Variants in TDG observed in about 807,000 individuals in gnomAD.
TDG encodes thymine DNA glycosylase.
Under a neutral mutation model 46.1 loss-of-function variants are expected in TDG, and 23 were observed. The ratio of observed to expected loss-of-function variants is 0.50; its 90% CI spans 0.36 to 0.71. The LOEUF (loss-of-function observed/expected upper bound fraction) is 0.71. Among genes scored for constraint, TDG ranks in the 30% least tolerant of loss-of-function variants. TDG has a pLI of 0.00. For missense variants in TDG, 304 were observed against 486.7 expected (o/e 0.62, Z 3.53); for synonymous variants, 115 against 161.3 (o/e 0.71, Z 2.18).
intron 4 of TDG, among the ~76,000 whole-genome samples, chr12:103,981,299 G>C (rs191419211): frequency 7.2e-6 from 1 of 138,708 alleles, no homozygotes; most frequent in Admixed American, 7.9e-5. Flanking sequence ...GCAATGGCGC[G>C]ATCTCGGCTC....
At chr12:103,968,825 G>A (rs984293790) in intron 1 of TDG, among the ~76,000 whole-genome samples, 3 of 152,210 alleles carry the variant, frequency 2.0e-5, no homozygotes, top group South Asian at 2.1e-4. Flanking sequence ...TGGTTACTGA[G>A]CATTTTTAAA....
chr12:103,983,380 C>T lies in TDG; in HGVS notation c.783C>T (p.Asp261=), dbSNP rs1356188764. The change falls in exon 7 of 10, where the codon GAC becomes GAT. Residue 261 remains aspartate (D), a synonymous_variant. Transcript: ENST00000392872. ...GGCTTCAGCCCCATAAGATTCCAGA[C>T]ACAGAAACTGTAAGTCCCTAAAATT... ...EFGLQPHKIP[D]TETLCYVMPS... 2.5e-6 allele frequency: 4 copies of T among 1,573,090 alleles called. No homozygotes were observed. In the African/African-American group the frequency reaches 4.1e-5, roughly 16 times the overall value.
At chr12:103,978,908 A>G (rs1360540829) in intron 2 of TDG, among the ~76,000 whole-genome samples, 1 of 152,058 alleles carries the variant, frequency 6.6e-6, no homozygotes, top group African/African-American at 2.4e-5. Context: ...TATGCAACCT[A>G]AAATGTCAAT....
rs1266630046 is a variant in TDG at position 103,966,021 on chromosome 12, A to C, written c.-17A>C. 9 of 1,596,036 alleles carry C rather than the reference A, an allele frequency of 5.6e-6. No individual in the cohort carries two copies. Among genetic ancestry groups the C allele is most frequent in the South Asian group, 1.1e-5 (1 of 88,850 alleles). ...GTGCCCGGCAGGTGGAGCCGCCCGC[A>C]TCAGCGGCCTCGGGGAATGGAAGCG... On this transcript the variant is annotated 5_prime_UTR_variant, in exon 1 of 10. Coordinates refer to ENST00000392872, the MANE Select transcript of TDG (RefSeq NM_003211.6).
intron 4 of TDG, 43 bp downstream of exon 4, chr12:103,981,005 A>G: frequency 1.3e-6 from 2 of 1,548,212 alleles, no homozygotes. Context: ...TAAATTAGGT[A>G]TCTTTGTTAA....
At position 103,987,990 on chromosome 12, in the gene TDG, G is replaced by A. The variant is rs1251175628; in HGVS notation, c.*900G>A. The A allele has an allele frequency of 2.6e-5, 4 of 152,672 alleles. No homozygotes were observed. The highest frequency in any genetic ancestry group is 5.9e-5 in the Non-Finnish European group (4 of 68,034). 9.5% of individuals were successfully genotyped at this position (152,672 alleles called of 1,614,324 possible). ...AACTGGTGCTTTATGTACATGAGAT[G>A]TACTAAAATAAGTAATATAGAATTT... On this transcript the variant is annotated 3_prime_UTR_variant, in exon 10 of 10. Transcript: ENST00000392872.
chr12:103,983,785 C>G (rs947588976), intron 7 of TDG, among the ~76,000 whole-genome samples: 2 of 152,200 alleles, frequency 1.3e-5, no homozygotes, highest in African/African-American at 4.8e-5. Context: ...ATTTATATAT[C>G]TTAGCTCAAC....
At chr12:103,978,608 A>G (rs1871653515) in intron 2 of TDG, among the ~76,000 whole-genome samples, 1 of 152,234 alleles carries the variant, frequency 6.6e-6, no homozygotes, top group African/African-American at 2.4e-5. Flanking sequence ...GTATCCTGCG[A>G]GGCTTGATTG....
intron 3 of TDG, 107 bp downstream of exon 3, chr12:103,980,179 A>G: frequency 6.7e-7 from 1 of 1,488,590 alleles, no homozygotes; most frequent in Non-Finnish European, 9.2e-7. Flanking sequence ...CATTTCTAAG[A>G]ATCCTTTTGG....
In TDG at chr12:103,987,696, C is replaced by T. The variant is rs1170810075; in HGVS notation, c.*606C>T. ...TACCTGACAGAGCCCTGGCTTTGAC[C>T]TGCTCAGCCCTGTGTGTTAATCCTC... On this transcript the variant is annotated 3_prime_UTR_variant, in exon 10 of 10. Transcript: ENST00000392872. The T allele has an allele frequency of 1.3e-5, 2 of 152,700 alleles. No individual in the cohort carries two copies. The highest frequency in any genetic ancestry group is 1.9e-4 in the East Asian group (1 of 5,210). 9.5% of individuals were successfully genotyped at this position (152,700 alleles called of 1,614,324 possible). A position where few individuals can be genotyped will look rare whatever the true frequency, so the allele number is the denominator to read the frequency against.
chr12:103,971,760 T>C (rs1871293762), intron 1 of TDG, among the ~76,000 whole-genome samples: 1 of 152,198 alleles, frequency 6.6e-6, no homozygotes. Flanking sequence ...ATCGTGCTTG[T>C]AAGTTTAACA....
chr12:103,981,600 A>G (rs1430589221), intron 4 of TDG, among the ~76,000 whole-genome samples: 1 of 152,216 alleles, frequency 6.6e-6, no homozygotes, highest in Non-Finnish European at 1.5e-5. Context: ...TAACGATAGT[A>G]TAGTACATCT....
chr12:103,974,848 G>A (rs1454134188), intron 1 of TDG, among the ~76,000 whole-genome samples: 1 of 151,538 alleles, frequency 6.6e-6, no homozygotes, highest in Non-Finnish European at 1.5e-5. Context: ...TGGTGGGGGC[G>A]CCTGTAGTCC....
chr12:103,979,621 G>C (rs1871720240), intron 2 of TDG, among the ~76,000 whole-genome samples: 1 of 152,130 alleles, frequency 6.6e-6, no homozygotes, highest in African/African-American at 2.4e-5. Context: ...CAGCTAGCAG[G>C]GGAAGGAGAG....
At chr12:103,975,909 TC>T (rs1379683155) in intron 1 of TDG, among the ~76,000 whole-genome samples, 2 of 147,712 alleles carry the variant, frequency 1.4e-5, no homozygotes, top group Non-Finnish European at 3.0e-5. Context: ...TGATCTACCC[TC>T]CTCGGCCTCC....
chr12:103,985,790 A>G, intron 9 of TDG, 62 bp downstream of exon 9: 2 of 1,400,248 alleles, frequency 1.4e-6, no homozygotes, highest in East Asian at 2.6e-5. Flanking sequence ...TGGGGGGAAA[A>G]TTTTAATAGA....
chr12:103,968,117 G>T (rs984882152), intron 1 of TDG: 1 of 152,142 alleles, frequency 6.6e-6, no homozygotes, highest in Admixed American at 6.5e-5. Flanking sequence ...GAGCCAAAGC[G>T]CCCAGCCTAG....
intron 2 of TDG, among the ~76,000 whole-genome samples, chr12:103,978,334 C>T (rs1871640011): frequency 6.6e-6 from 1 of 151,990 alleles, no homozygotes; most frequent in African/African-American, 2.4e-5. Context: ...GGAGGAGGTG[C>T]CACTCACCAA....
intron 4 of TDG, among the ~76,000 whole-genome samples, chr12:103,981,931 T>C (rs1871858335): frequency 6.6e-6 from 1 of 152,200 alleles, no homozygotes; most frequent in African/African-American, 2.4e-5. Flanking sequence ...GGAAAATTGC[T>C]TGAGCCTGAG....
Sources: allele counts gnomAD v4.1 joint callset (sites outside exome capture counted in the v4.1 genomes callset), GRCh38; gene constraint gnomAD v4.1.1; transcripts MANE v1.5; gene names NCBI Gene and HGNC (gene_info 2026-07-23, HGNC 2026-07-21).